The following CDK19 variants were observed in gnomAD, a reference collection of about 807,000 sequenced individuals.
CDK19 encodes cyclin dependent kinase 19.
A neutral mutation model predicts 68.3 loss-of-function variants in CDK19; 20 were observed. The observed-to-expected ratio is 0.29, with a 90% CI of 0.21 to 0.43. The LOEUF is 0.43. Among genes scored for constraint, CDK19 ranks in the 20% least tolerant of loss-of-function variants. The pLI is 1.00. For missense variants in CDK19, 339 were observed against 623.5 expected, an observed-to-expected ratio of 0.54 and a Z score of 4.86; for synonymous variants, 221 against 222.8, an observed-to-expected ratio of 0.99 and a Z score of 0.07.
At chr6:110,734,560 T>TCTCTCTCTCTCTCTCTCTCTCTCG in intron 2 of CDK19, among the ~76,000 whole-genome samples, 1 of 148,602 alleles carries the variant, frequency 6.7e-6, no homozygotes, top group Admixed American at 6.8e-5. Context: ...TCTCTCTCTC[T>TCTCTCTCTCTCTCTCTCTCTCTCG]CATGTCTGGG....
At chr6:110,769,248 C>T (rs1779821737) in intron 1 of CDK19, among the ~76,000 whole-genome samples, 1 of 149,174 alleles carries the variant, frequency 6.7e-6, no homozygotes, top group Non-Finnish European at 1.5e-5. Flanking sequence ...ACAAATGTGT[C>T]TCAGTAAAGC....
intron 2 of CDK19, among the ~76,000 whole-genome samples, chr6:110,744,639 A>G (rs1777947173): frequency 6.6e-6 from 1 of 152,222 alleles, no homozygotes. Flanking sequence ...CATTTATAGC[A>G]CACTTGCTAT....
At chr6:110,749,960 T>A (rs1419624895) in intron 1 of CDK19, among the ~76,000 whole-genome samples, 1 of 143,736 alleles carries the variant, frequency 7.0e-6, no homozygotes, top group Non-Finnish European at 1.5e-5. Context: ...TTAGTAGAGA[T>A]GGGGTTTCAC....
intron 2 of CDK19, among the ~76,000 whole-genome samples, chr6:110,711,751 T>C (rs995812597): frequency 6.6e-6 from 1 of 152,234 alleles, no homozygotes; most frequent in Non-Finnish European, 1.5e-5. Context: ...GTGGATCACC[T>C]GAGGGCAGGA....
intron 1 of CDK19, among the ~76,000 whole-genome samples, chr6:110,760,166 C>A (rs936981029): frequency 1.3e-5 from 2 of 152,046 alleles, no homozygotes; most frequent in Non-Finnish European, 2.9e-5. Context: ...GAGGCCGAGG[C>A]AGGCAGATCA....
At position 110,637,561 on chromosome 6, in the gene CDK19, T is replaced by G. The variant is rs1057155404; in HGVS notation, c.514+1088A>C. ...CAGCATGAATTTGTAGTGGGTCAAG[T>G]GAGCACAATTTTGCATCACCTTTAG... On this transcript the variant is annotated intron_variant, in intron 5 of 12. Coordinates refer to ENST00000368911, the MANE Select transcript of CDK19 (RefSeq NM_015076.5). 5.9e-5 allele frequency among the ~76,000 whole-genome samples: 9 copies of G among 152,346 alleles called. No individual in the cohort carries two copies. The South Asian group carries it at 1.7e-3, about 28-fold the overall frequency.
At chr6:110,618,575 G>A (rs981174858) in intron 12 of CDK19, among the ~76,000 whole-genome samples, 1 of 152,158 alleles carries the variant, frequency 6.6e-6, no homozygotes, top group Non-Finnish European at 1.5e-5. Context: ...ACACAGGGTG[G>A]GGTTGAGGTC....
chr6:110,669,874 C>T (rs1431725826), intron 3 of CDK19, among the ~76,000 whole-genome samples: 1 of 152,108 alleles, frequency 6.6e-6, no homozygotes, highest in Non-Finnish European at 1.5e-5. Flanking sequence ...AGTATAGTCT[C>T]CCGCCAGGCA....
Position 110,626,468 on chromosome 6 carries a change from T to C in CDK19, c.860+308A>G, listed in dbSNP as rs142116638. 3.0e-4 allele frequency among the ~76,000 whole-genome samples: 45 copies of C among 152,350 alleles called. 1 individual carries two copies. Among genetic ancestry groups the C allele is most frequent in the Admixed American group, 2.4e-3 (36 of 15,304 alleles). On this transcript the variant is annotated intron_variant, in intron 8 of 12. Transcript: ENST00000368911. ...TTCTCAATGCAACAGTATTAGAAGATAAGGCCTTCCAGAATTGAGGGCTTT... is the reference window on the plus strand; with the variant it reads ...TTCTCAATGCAACAGTATTAGAAGACAAGGCCTTCCAGAATTGAGGGCTTT...
intron 2 of CDK19, among the ~76,000 whole-genome samples, chr6:110,714,708 GA>G (rs1775229559): frequency 6.9e-6 from 1 of 145,468 alleles, no homozygotes; most frequent in African/African-American, 2.5e-5. Context: ...ATCTTCTTTG[GA>G]AAAATGTCTT....
At chr6:110,674,149 C>A (rs1263035275) in intron 2 of CDK19, among the ~76,000 whole-genome samples, 1 of 152,162 alleles carries the variant, frequency 6.6e-6, no homozygotes, top group African/African-American at 2.4e-5. Flanking sequence ...TGTTTTGAAG[C>A]ATCACAAATT....
chr6:110,740,824 T>C (rs890988334), intron 2 of CDK19, among the ~76,000 whole-genome samples: 2 of 152,310 alleles, frequency 1.3e-5, no homozygotes, highest in African/African-American at 2.4e-5. Flanking sequence ...ATCTACTCTT[T>C]ATGGTGTTGC....
intron 4 of CDK19, among the ~76,000 whole-genome samples, chr6:110,651,010 G>C (rs1001406935): frequency 3.9e-5 from 6 of 152,122 alleles, no homozygotes; most frequent in Admixed American, 1.3e-4. Context: ...TTGGGTGAGC[G>C]AGCAGACTGG....
chr6:110,719,972 G>GCCCCCCCCCCCCCCCCCCCCCCCCCCC (rs1167384607), intron 2 of CDK19, among the ~76,000 whole-genome samples: 9 of 45,516 alleles, frequency 2.0e-4, no homozygotes, highest in East Asian at 5.8e-4. Context: ...CTTGTGATCC[G>GCCCCCCCCCCCCCCCCCCCCCCCCCCC]CCCCCCCCCC....
chr6:110,717,252 T>C (rs1775479622), intron 2 of CDK19, among the ~76,000 whole-genome samples: 1 of 152,106 alleles, frequency 6.6e-6, no homozygotes, highest in South Asian at 2.1e-4. Flanking sequence ...CATATGTATA[T>C]ATCCCTTATG....
At chr6:110,714,256 A>G (rs1227486777) in intron 2 of CDK19, among the ~76,000 whole-genome samples, 2 of 152,226 alleles carry the variant, frequency 1.3e-5, no homozygotes, top group Admixed American at 6.5e-5. Context: ...TGTGGCCAGT[A>G]TGGCTGAATA....
At chr6:110,694,903 G>C (rs978490436) in intron 2 of CDK19, among the ~76,000 whole-genome samples, 2 of 152,190 alleles carry the variant, frequency 1.3e-5, no homozygotes, top group Admixed American at 1.3e-4. Flanking sequence ...GATCACCTGA[G>C]GTGAAGAGTT....
chr6:110,704,813 GA>G (rs1388997048), intron 2 of CDK19, among the ~76,000 whole-genome samples: 1 of 152,098 alleles, frequency 6.6e-6, no homozygotes, highest in Non-Finnish European at 1.5e-5. Flanking sequence ...GCTAATTCTG[GA>G]AGCAATGAGA....
chr6:110,644,385 G>C (rs1780408257), intron 4 of CDK19, among the ~76,000 whole-genome samples: 1 of 152,030 alleles, frequency 6.6e-6, no homozygotes, highest in African/African-American at 2.4e-5. Flanking sequence ...GGGCAGGAGA[G>C]AGGAGGAAGT....
Sources: gnomAD v4.1 joint callset for allele counts (sites outside exome capture counted in the v4.1 genomes callset) on GRCh38, gnomAD v4.1.1 for gene constraint, MANE v1.5 for transcripts, NCBI Gene and HGNC (gene_info 2026-07-23, HGNC 2026-07-21) for gene names.